The following CC2D2B variants were observed in gnomAD, a reference collection of about 807,000 sequenced individuals.
The protein encoded by CC2D2B is coiled-coil and C2 domain containing 2B, also known as protein CC2D2B.
A neutral mutation model predicts 161.2 loss-of-function variants in CC2D2B; 128 were observed. That is an observed-to-expected ratio of 0.79 (90% CI 0.69 to 0.92). CC2D2B has a LOEUF of 0.92. Among genes scored for constraint, CC2D2B ranks in the 40% least tolerant of loss-of-function variants. CC2D2B has a pLI of 0.00. For missense variants in CC2D2B, 1,173 were observed against 1,375.1 expected (o/e 0.85, Z 2.32); for synonymous variants, 391 against 449.8 (o/e 0.87, Z 1.65).
At position 96,012,051 on chromosome 10, in the gene CC2D2B, A is replaced by G. The variant is rs1387878622; in HGVS notation, c.3046-134A>G. The G allele has an allele frequency of 5.8e-6, 3 of 521,646 alleles. No individual in the cohort carries two copies. In the African/African-American group the frequency reaches 6.0e-5, roughly 10 times the overall value. 32.3% of individuals were successfully genotyped at this position (521,646 alleles called of 1,614,324 possible). On this transcript the variant is annotated intron_variant, in intron 26 of 34. Transcript: ENST00000646931. ...CAGAGAACCTGCTCATTCTTGGGCA[A>G]GTGCAAATGAGTAGAAGCCCGTTCA...
intron 6 of CC2D2B, among the ~76,000 whole-genome samples, chr10:95,928,098 G>T (rs961234342): frequency 1.3e-5 from 2 of 151,648 alleles, no homozygotes; most frequent in Non-Finnish European, 2.9e-5. Context: ...GATCCCTCAG[G>T]TCCCCCTGTC....
At chr10:95,969,448 A>G (rs1323691272) in intron 15 of CC2D2B, among the ~76,000 whole-genome samples, 1 of 152,122 alleles carries the variant, frequency 6.6e-6, no homozygotes, top group Non-Finnish European at 1.5e-5. Flanking sequence ...AAAATGAGAG[A>G]CAACAAACGA....
intron 34 of CC2D2B, among the ~76,000 whole-genome samples, chr10:96,029,219 A>T (rs2079916356): frequency 7.6e-6 from 1 of 132,442 alleles, no homozygotes; most frequent in African/African-American, 2.6e-5. Context: ...GCATGCCCAT[A>T]TCAAAATATC....
At chr10:95,919,050 T>G (rs1023493065) in intron 2 of CC2D2B, 9 of 152,192 alleles carry the variant, frequency 5.9e-5, no homozygotes, top group Non-Finnish European at 7.4e-5. Context: ...ACTGAGCTTC[T>G]TCAAAACAGT....
At chr10:96,027,674 A>G (rs550851054) in intron 34 of CC2D2B, among the ~76,000 whole-genome samples, 2 of 152,330 alleles carry the variant, frequency 1.3e-5, no homozygotes, top group South Asian at 4.1e-4. Context: ...AAAGACTCAG[A>G]ATAGTCAAAG....
At chr10:95,992,147 A>T (rs991558878) in intron 21 of CC2D2B, among the ~76,000 whole-genome samples, 3 of 152,200 alleles carry the variant, frequency 2.0e-5, no homozygotes, top group African/African-American at 7.2e-5. Context: ...GGCATATATA[A>T]CTAATTCTAG....
intron 9 of CC2D2B, among the ~76,000 whole-genome samples, chr10:95,944,941 G>C (rs762341056): frequency 1.3e-5 from 2 of 152,176 alleles, no homozygotes; most frequent in East Asian, 1.9e-4. Flanking sequence ...AGCATTAAGG[G>C]GTAGGACCTA....
chr10:95,998,563 G>T lies in CC2D2B; in HGVS notation c.2849+2311G>T, dbSNP rs1032995888. 2.0e-5 allele frequency among the ~76,000 whole-genome samples: 3 copies of T among 152,082 alleles called. No homozygotes were observed. In the South Asian group the frequency reaches 6.2e-4, roughly 32 times the overall value. On this transcript the variant is annotated intron_variant, in intron 24 of 34. Transcript: ENST00000646931. Reference sequence around the variant, plus strand: ...GGATGTAGACAGAGAGAGAGAGAGAGAAATTTATTTTAAGGAATTGGATCA... The same window carrying T: ...GGATGTAGACAGAGAGAGAGAGAGATAAATTTATTTTAAGGAATTGGATCA...
At chr10:95,912,169 T>C (rs1256761173) in intron 2 of CC2D2B, among the ~76,000 whole-genome samples, 2 of 152,198 alleles carry the variant, frequency 1.3e-5, no homozygotes, top group Non-Finnish European at 2.9e-5. Flanking sequence ...CACATTAGTT[T>C]GGTTAGCATG....
chr10:95,948,192 C>T lies in CC2D2B; in HGVS notation c.802-1704C>T, dbSNP rs368268737. On this transcript the variant is annotated intron_variant, in intron 9 of 34. Transcript: ENST00000646931. ...TATGGAACCAAAAAAGAGCCCGCAT[C>T]GCCAAGTCAATCCTAAGCCAAAAGA... 5.3e-3 allele frequency among the ~76,000 whole-genome samples: 795 copies of T among 148,860 alleles called. 4 individuals are homozygous for T. The highest frequency in any genetic ancestry group is 6.8e-3 in the African/African-American group (275 of 40,250).
Position 96,016,194 on chromosome 10 carries a change from G to A in CC2D2B, c.3517-7G>A. The A allele has an allele frequency of 6.3e-7, 1 of 1,592,776 alleles. No individual in the cohort carries two copies. The highest frequency in any genetic ancestry group is 2.2e-5 in the East Asian group (1 of 44,708). ...TTTTTGTTCCTATTGCTTTTGTTTT[G>A]TCTTAGCACTGCATCAGTTTAGCTA... On this transcript the variant is annotated splice_polypyrimidine_tract_variant and splice_region_variant and intron_variant, in intron 29 of 34. Transcript: ENST00000646931.
intron 24 of CC2D2B, among the ~76,000 whole-genome samples, chr10:95,997,888 T>G (rs977483349): frequency 6.6e-6 from 1 of 152,194 alleles, no homozygotes; most frequent in Non-Finnish European, 1.5e-5. Context: ...AGCTTCAACT[T>G]TACTGGACAA....
Position 96,019,825 on chromosome 10 carries a change from G to A in CC2D2B, c.3888+1G>A, listed in dbSNP as rs765029986. The A allele has an allele frequency of 1.9e-5, 30 of 1,599,100 alleles. No homozygotes were observed. The highest frequency in any genetic ancestry group is 3.3e-4 in the Middle Eastern group (2 of 6,016). The stretch of plus-strand genomic sequence containing the variant: ...AGGAACAAAAATACAAAGCATACAG[G>A]TAAATCATATTTTCCCAGGGGTGTC... On this transcript the variant is annotated splice_donor_variant, in intron 32 of 34. Coordinates refer to ENST00000646931, the MANE Select transcript of CC2D2B (RefSeq NM_001349008.3). LOFTEE classifies it high-confidence loss of function.
intron 12 of CC2D2B, among the ~76,000 whole-genome samples, chr10:95,964,374 A>C (rs1348604943): frequency 1.3e-5 from 2 of 152,168 alleles, no homozygotes; most frequent in Admixed American, 6.6e-5. Flanking sequence ...GTTCTAATTT[A>C]ATTAGTATGG....
intron 25 of CC2D2B, among the ~76,000 whole-genome samples, chr10:96,008,267 A>G (rs2078844725): frequency 7.1e-6 from 1 of 140,808 alleles, no homozygotes; most frequent in African/African-American, 2.7e-5. Flanking sequence ...TCTTTTTATT[A>G]TATAGCAGTA....
chr10:96,013,656 G>T (rs2079081211), intron 28 of CC2D2B, 132 bp from the exon 29 acceptor site: 1 of 525,762 alleles, frequency 1.9e-6, no homozygotes, highest in South Asian at 2.7e-5. Context: ...TTCCTCTTCT[G>T]TAATACTAGA....
At chr10:95,962,202 A>G (rs1447093595) in intron 12 of CC2D2B, among the ~76,000 whole-genome samples, 1 of 152,108 alleles carries the variant, frequency 6.6e-6, no homozygotes, top group African/African-American at 2.4e-5. Context: ...ACATGGGGAA[A>G]TGATTTGAAC....
intron 5 of CC2D2B, among the ~76,000 whole-genome samples, chr10:95,926,325 A>G (rs1224645638): frequency 1.3e-5 from 2 of 152,186 alleles, no homozygotes; most frequent in Non-Finnish European, 2.9e-5. Flanking sequence ...CTCAGGAAGC[A>G]GAAGATTTCA....
Position 95,992,634 on chromosome 10 carries a change from T to C in CC2D2B, c.2579T>C (p.Ile860Thr), listed in dbSNP as rs1268421578. The change falls in exon 22 of 35, where the codon ATT becomes ACT. Residue 860 changes from isoleucine (I) to threonine (T), a missense_variant. Ile to Thr is a moderately conservative substitution (Grantham distance 89). Around this residue, in one of 3 missense-constraint regions of CC2D2B, gnomAD observed 598 missense variants for 693.2 expected, o/e 0.86. Coordinates refer to ENST00000646931, the MANE Select transcript of CC2D2B (RefSeq NM_001349008.3). ...GCGCAGGCGATCTCTGACGGAGATATTAAGATTCTTGTCCGAATAGTGAGG... is the reference window on the plus strand; with the variant it reads ...GCGCAGGCGATCTCTGACGGAGATACTAAGATTCTTGTCCGAATAGTGAGG... ...VTAQAISDGD[I>T]KILVRIVRAY... 9.7e-6 allele frequency: 12 copies of C among 1,234,254 alleles called. No homozygotes were observed. Among genetic ancestry groups the C allele is most frequent in the Non-Finnish European group, 1.2e-5 (12 of 988,072 alleles). 76.5% of individuals were successfully genotyped at this position (1,234,254 alleles called of 1,614,324 possible).
Sources: gnomAD v4.1 joint callset for allele counts (sites outside exome capture counted in the v4.1 genomes callset) on GRCh38, gnomAD v4.1.1 for gene constraint, gnomAD v4.1.1 regional missense constraint, MANE v1.5 for transcripts, NCBI Gene and HGNC (gene_info 2026-07-23, HGNC 2026-07-21) for gene names.